UBE2E2: variants seen among roughly 807,000 people sequenced by gnomAD.
The protein encoded by UBE2E2 is ubiquitin-conjugating enzyme E2 E2.
Under a neutral mutation model 24.7 loss-of-function variants are expected in UBE2E2, and 6 were observed. The ratio of observed to expected loss-of-function variants is 0.24; its 90% CI spans 0.13 to 0.48. UBE2E2 has a LOEUF of 0.48. Ranked by LOEUF, UBE2E2 falls within the 20% of genes least tolerant of loss-of-function variation. UBE2E2 has a pLI of 0.99. For missense variants in UBE2E2, 169 were observed against 245.0 expected, an observed-to-expected ratio of 0.69 and a Z score of 2.07; for synonymous variants, 104 against 83.6, an observed-to-expected ratio of 1.24 and a Z score of -1.33.
chr3:23,243,095 AAAG>A (rs1480925071), intron 3 of UBE2E2, among the ~76,000 whole-genome samples: 6 of 142,332 alleles, frequency 4.2e-5, no homozygotes, highest in Admixed American at 7.3e-5. Flanking sequence ...CAAAAAAAAA[AAAG>A]AAAAGAAAAG....
intron 4 of UBE2E2, among the ~76,000 whole-genome samples, chr3:23,528,173 C>T (rs974156633): frequency 3.9e-5 from 6 of 152,176 alleles, no homozygotes; most frequent in African/African-American, 1.4e-4. Context: ...CTCCTCACCC[C>T]ACATTTGGTC....
chr3:23,531,923 G>A (rs1310556599), intron 4 of UBE2E2, among the ~76,000 whole-genome samples: 5 of 151,990 alleles, frequency 3.3e-5, no homozygotes, highest in Non-Finnish European at 7.4e-5. Context: ...TTAGCTGGGT[G>A]TGGTGGCGGG....
rs546095358 is a variant in UBE2E2, at chr3:23,360,986, G to GA, written c.228-138613dup. Among the ~76,000 whole-genome samples, 477 of 147,596 alleles carry GA rather than the reference G, an allele frequency of 3.2e-3. 3 individuals carry two copies. Among genetic ancestry groups the GA allele is most frequent in the Non-Finnish European group, 4.8e-3 (317 of 66,648 alleles). On this transcript the variant is annotated intron_variant, in intron 3 of 5. Transcript: ENST00000396703. ...ACAAGGAATGCAAACAAATCAGCAAGAAAAAAAAATCCCATCAAAAAGTGG... is the reference window on the plus strand; with the variant it reads ...ACAAGGAATGCAAACAAATCAGCAAGAAAAAAAAAATCCCATCAAAAAGTGG...
chr3:23,311,069 C>T (rs1420773342), intron 3 of UBE2E2, among the ~76,000 whole-genome samples: 1 of 152,158 alleles, frequency 6.6e-6, no homozygotes, highest in Non-Finnish European at 1.5e-5. Flanking sequence ...CAGGTGTTCT[C>T]ATTGTTCAGT....
At chr3:23,328,294 C>T (rs1416504351) in intron 3 of UBE2E2, among the ~76,000 whole-genome samples, 1 of 152,090 alleles carries the variant, frequency 6.6e-6, no homozygotes, top group Admixed American at 6.5e-5. Flanking sequence ...TACAGTTGGT[C>T]CCTGACTTAC....
intron 3 of UBE2E2, among the ~76,000 whole-genome samples, chr3:23,462,080 A>C (rs1057068265): frequency 1.6e-4 from 25 of 152,184 alleles, no homozygotes; most frequent in Non-Finnish European, 2.6e-4. Context: ...TTTTAATAAT[A>C]TAAGGTTAAT....
intron 5 of UBE2E2, among the ~76,000 whole-genome samples, chr3:23,539,412 A>C (rs1424256757): frequency 6.6e-6 from 1 of 152,222 alleles, no homozygotes; most frequent in Non-Finnish European, 1.5e-5. Flanking sequence ...ATTTGCTAAC[A>C]TATGGGATAC....
At chr3:23,353,544 G>C (rs999751661) in intron 3 of UBE2E2, among the ~76,000 whole-genome samples, 1 of 152,122 alleles carries the variant, frequency 6.6e-6, no homozygotes, top group East Asian at 1.9e-4. Context: ...AAAGTCTCAG[G>C]ATACAAAATC....
chr3:23,280,275 T>C lies in UBE2E2; in HGVS notation c.227+62963T>C, dbSNP rs1029943162. On this transcript the variant is annotated intron_variant, in intron 3 of 5. Transcript: ENST00000396703. This position sits in a 1 kb window ranked among gnomAD's most constrained non-coding sequence, Gnocchi z 4.3. ...TTTTATTTGTGACTCTTTTTTGGTA[T>C]TCAGAATTGCACCCCTTAGTGTAAT... Among the ~76,000 whole-genome samples, 1 of 152,184 alleles carries C rather than the reference T, an allele frequency of 6.6e-6. No homozygotes were observed. The highest frequency in any genetic ancestry group is 2.4e-5 in the African/African-American group (1 of 41,434).
Position 23,483,521 on chromosome 3 carries a change from A to G in UBE2E2, c.228-16087A>G, listed in dbSNP as rs141010518. 5.9e-5 allele frequency among the ~76,000 whole-genome samples: 9 copies of G among 152,356 alleles called. No individual in the cohort carries two copies. In the East Asian group the frequency reaches 1.7e-3, roughly 29 times the overall value. On this transcript the variant is annotated intron_variant, in intron 3 of 5. Coordinates refer to ENST00000396703, the MANE Select transcript of UBE2E2 (RefSeq NM_152653.4). ...GTGTCTGGCTTAATGTCTGGCACAC[A>G]GAAGATGCTCAGTAAATGGTGAATA...
chr3:23,529,114 A>G (rs1695064671), intron 4 of UBE2E2, among the ~76,000 whole-genome samples: 1 of 152,184 alleles, frequency 6.6e-6, no homozygotes, highest in African/African-American at 2.4e-5. Context: ...GGAGATGAGG[A>G]CAGAGTTGTA....
Position 23,216,534 on chromosome 3 carries a change from A to G in UBE2E2, c.177-728A>G, listed in dbSNP as rs192984822. 1.9e-3 allele frequency among the ~76,000 whole-genome samples: 286 copies of G among 152,272 alleles called. 1 individual carries two copies. Among genetic ancestry groups the G allele is most frequent in the Admixed American group, 5.3e-3 (81 of 15,264 alleles). Reference sequence around the variant, plus strand: ...TGATTTAACAAAGCCTACATTTAATAAGGTATGAATGATAGTTAAGGGATT... The same window carrying G: ...TGATTTAACAAAGCCTACATTTAATGAGGTATGAATGATAGTTAAGGGATT... On this transcript the variant is annotated intron_variant, in intron 2 of 5. Transcript: ENST00000396703.
intron 3 of UBE2E2, among the ~76,000 whole-genome samples, chr3:23,291,131 T>C (rs192813442): frequency 7.3e-4 from 110 of 151,156 alleles, no homozygotes; most frequent in Non-Finnish European, 1.3e-3. Flanking sequence ...TATCTTTTGC[T>C]GACTAGATGC....
chr3:23,328,399 C>T (rs1559349116), intron 3 of UBE2E2, among the ~76,000 whole-genome samples: 1 of 152,134 alleles, frequency 6.6e-6, no homozygotes, highest in Admixed American at 6.5e-5. Context: ...CAGTGAGTTA[C>T]AGGAAATGTT....
chr3:23,393,588 T>G (rs887938393), intron 3 of UBE2E2, among the ~76,000 whole-genome samples: 1 of 152,190 alleles, frequency 6.6e-6, no homozygotes, highest in African/African-American at 2.4e-5. Context: ...AACCACTGTT[T>G]TAGAGGCACG....
chr3:23,474,239 G>GT lies in UBE2E2; in HGVS notation c.228-25364dup, dbSNP rs1206134259. On this transcript the variant is annotated intron_variant, in intron 3 of 5. Coordinates refer to ENST00000396703, the MANE Select transcript of UBE2E2 (RefSeq NM_152653.4). This position sits in a 1 kb window ranked among gnomAD's most constrained non-coding sequence, Gnocchi z 4.0. ...TAGCCCACTTTTTGATGGGATTGTT[G>GT]TTTTTCTCCTGTTAATTGTTTAAGT... Among the ~76,000 whole-genome samples, 1 of 151,874 alleles carries GT rather than the reference G, an allele frequency of 6.6e-6. No homozygotes were observed. The highest frequency in any genetic ancestry group is 2.4e-5 in the African/African-American group (1 of 41,268).
chr3:23,226,420 T>C (rs543839083), intron 3 of UBE2E2, among the ~76,000 whole-genome samples: 74 of 152,248 alleles, frequency 4.9e-4, no homozygotes, highest in Non-Finnish European at 7.4e-5. Context: ...GATTTCTGTA[T>C]GTGATGTCAT....
At chr3:23,206,044 A>T (rs554373016) in intron 1 of UBE2E2, among the ~76,000 whole-genome samples, 1 of 152,212 alleles carries the variant, frequency 6.6e-6, no homozygotes, top group South Asian at 2.1e-4. Flanking sequence ...CATCCTCAGT[A>T]TAGAGAATAT....
At position 23,394,618 on chromosome 3, in the gene UBE2E2, C is replaced by G. The variant is rs180909196; in HGVS notation, c.228-104990C>G. 2.6e-5 allele frequency among the ~76,000 whole-genome samples: 4 copies of G among 152,308 alleles called. No individual in the cohort carries two copies. In the East Asian group the frequency reaches 7.7e-4, roughly 29 times the overall value. ...AGGAAGTACAGAGGGAGAGACTCAA[C>G]TCTGTCCCTACCGTTAATCCTCAGT... is the stretch of plus-strand genomic sequence containing the variant. On this transcript the variant is annotated intron_variant, in intron 3 of 5. Coordinates refer to ENST00000396703, the MANE Select transcript of UBE2E2 (RefSeq NM_152653.4).
Sources: gnomAD v4.1 joint callset for allele counts (sites outside exome capture counted in the v4.1 genomes callset) on GRCh38, gnomAD v4.1.1 for gene constraint, Gnocchi (gnomAD v3.1) non-coding constraint, MANE v1.5 for transcripts, NCBI Gene and HGNC (gene_info 2026-07-23, HGNC 2026-07-21) for gene names.